Variants in ITGB8 observed in about 807,000 individuals in gnomAD.
ITGB8 encodes integrin subunit beta 8.
Under a neutral mutation model 89.5 loss-of-function variants are expected in ITGB8, and 30 were observed. The ratio of observed to expected loss-of-function variants is 0.34; its 90% CI spans 0.25 to 0.45. The LOEUF (loss-of-function observed/expected upper bound fraction) is 0.45, where lower values mean the gene tolerates loss of function less well. Ranked by LOEUF, ITGB8 falls within the 20% of genes least tolerant of loss-of-function variation. The probability of loss-of-function intolerance (pLI) is 1.00; values close to 1 mark genes in which losing one functional copy is unlikely to be tolerated. For synonymous variants in ITGB8, 335 were observed against 320.4 expected (o/e 1.05, Z -0.49); for missense variants, 836 against 933.3 (o/e 0.90, Z 1.36).
At chr7:20,350,250 C>T (rs934910670) in intron 1 of ITGB8, among the ~76,000 whole-genome samples, 13 of 152,140 alleles carry the variant, frequency 8.5e-5, no homozygotes, top group African/African-American at 2.4e-4. Context: ...CAGGTTGAAG[C>T]GATTCTCCTG....
chr7:20,332,411 T>G (rs1784435661), intron 1 of ITGB8, among the ~76,000 whole-genome samples: 1 of 152,170 alleles, frequency 6.6e-6, no homozygotes, highest in Admixed American at 6.5e-5. Flanking sequence ...GCATACAAGT[T>G]TCTGCTATCA....
At chr7:20,382,289 T>C (rs560042237) in intron 6 of ITGB8, among the ~76,000 whole-genome samples, 51 of 152,250 alleles carry the variant, frequency 3.3e-4, no homozygotes, top group African/African-American at 1.1e-3. Context: ...AGGTAGAAAC[T>C]AAATAGAAAC....
At chr7:20,399,771 G>T (rs1275154407) in intron 9 of ITGB8, among the ~76,000 whole-genome samples, 1 of 152,110 alleles carries the variant, frequency 6.6e-6, no homozygotes, top group Admixed American at 6.5e-5. Context: ...ATGTTTAAAT[G>T]AATGACTTGG....
In ITGB8 at chr7:20,401,848, A is replaced by G. The variant is rs759152706; in HGVS notation, c.1409A>G (p.Gln470Arg). Residue 470 changes from glutamine (Q) to arginine (R), a missense_variant, in exon 10 of 14, where the codon CAG becomes CGG. Around this residue, in one of 5 missense-constraint regions of ITGB8, gnomAD observed 422 missense variants for 416.9 expected, o/e 1.01. Coordinates refer to ENST00000222573, the MANE Select transcript of ITGB8 (RefSeq NM_002214.3). ...KIHIHRNCSC[Q>R]CEDNRGPKGK... ...CATATACACAGAAACTGCAGCTGTC[A>G]GTGTGAGGACAACAGAGGACCTAAA... The G allele has an allele frequency of 1.9e-6, 3 of 1,614,058 alleles. No individual in the cohort carries two copies. The South Asian group carries it at 3.3e-5, about 18-fold the overall frequency.
At chr7:20,383,283 A>G (rs1024284673) in intron 6 of ITGB8, among the ~76,000 whole-genome samples, 28 of 152,214 alleles carry the variant, frequency 1.8e-4, no homozygotes, top group African/African-American at 6.8e-4. Context: ...AAGATTTTAA[A>G]AGGTAACTAG....
At chr7:20,349,884 C>T (rs927270278) in intron 1 of ITGB8, among the ~76,000 whole-genome samples, 2 of 152,132 alleles carry the variant, frequency 1.3e-5, no homozygotes, top group African/African-American at 4.8e-5. Context: ...TAATGTACAT[C>T]AATAAACTGT....
Position 20,379,169 on chromosome 7 carries a change from T to G in ITGB8, c.507T>G (p.Val169=), listed in dbSNP as rs1334439152. Residue 169 remains valine, a synonymous_variant, in exon 4 of 14, where the codon GTT becomes GTG. Transcript: ENST00000222573. ...ATAATATAGAAAAATTAAATTCCGT[T>G]GGAAACGATTTATCTAGAAAAATGG... ...MHNNIEKLNS[V]GNDLSRKMAF... is the part of the protein sequence containing the mutation. The G allele has an allele frequency of 6.2e-7, 1 of 1,612,126 alleles. No individual in the cohort carries two copies. Among genetic ancestry groups the G allele is most frequent in the Admixed American group, 1.7e-5 (1 of 59,772 alleles).
At chr7:20,395,931 G>T (rs1480672612) in intron 8 of ITGB8, among the ~76,000 whole-genome samples, 2 of 152,172 alleles carry the variant, frequency 1.3e-5, no homozygotes, top group Non-Finnish European at 2.9e-5. Flanking sequence ...TGTGTCAAAA[G>T]ATATGCTTTA....
At position 20,411,945 on chromosome 7, in the gene ITGB8, A is replaced by G. The variant is rs1027045805; in HGVS notation, c.*1948A>G. 6.6e-6 allele frequency: 1 copy of G among 152,604 alleles called. No individual in the cohort carries two copies. Among genetic ancestry groups the G allele is most frequent in the Non-Finnish European group, 1.5e-5 (1 of 68,042 alleles). 9.5% of individuals were successfully genotyped at this position (152,604 alleles called of 1,614,324 possible). On this transcript the variant is annotated 3_prime_UTR_variant, in exon 14 of 14. Coordinates refer to ENST00000222573, the MANE Select transcript of ITGB8 (RefSeq NM_002214.3). ...ATCCCTATGGACTTAGTCTGATTTT[A>G]TTGGCTAGGAGTCTAACAGTCCTGT...
intron 6 of ITGB8, among the ~76,000 whole-genome samples, chr7:20,385,332 A>G (rs1253594581): frequency 1.3e-5 from 2 of 152,242 alleles, no homozygotes; most frequent in African/African-American, 4.8e-5. Context: ...TTCCTATTGT[A>G]TGTACTAGTG....
upstream of ITGB8, chr7:20,330,559 T>G (rs1784339838): frequency 6.6e-6 from 1 of 152,152 alleles, no homozygotes; most frequent in Non-Finnish European, 1.5e-5. Flanking sequence ...GGAGTTCTTG[T>G]GAACGATGGG....
At position 20,404,805 on chromosome 7, in the gene ITGB8, G is replaced by C. The variant is rs767838901; in HGVS notation, c.1865G>C (p.Arg622Pro). Residue 622 changes from arginine (R) to proline (P), a missense_variant, in exon 11 of 14, where the codon CGC becomes CCC. Arg to Pro is a moderately radical substitution (Grantham distance 103). Coordinates refer to ENST00000222573, the MANE Select transcript of ITGB8 (RefSeq NM_002214.3). ...TGCACCGATCCCAGGAGCATCGGCC[G>C]CTTCTGTGAACACTGCCCCACCTGT... The part of the protein sequence containing the change: ...CECTDPRSIG[R>P]FCEHCPTCYT... 6.2e-7 allele frequency: 1 copy of C among 1,614,158 alleles called. No homozygotes were observed. Among genetic ancestry groups the C allele is most frequent in the Non-Finnish European group, 8.5e-7 (1 of 1,180,032 alleles).
chr7:20,385,243 C>T (rs558436636), intron 6 of ITGB8, among the ~76,000 whole-genome samples: 1 of 152,302 alleles, frequency 6.6e-6, no homozygotes, highest in African/African-American at 2.4e-5. Context: ...TCCAATGAAC[C>T]TTATCAATGG....
chr7:20,402,422 A>G (rs1787352189), intron 10 of ITGB8, among the ~76,000 whole-genome samples: 1 of 152,230 alleles, frequency 6.6e-6, no homozygotes, highest in African/African-American at 2.4e-5. Context: ...GGAAATGCTG[A>G]TGATATCTGA....
intron 5 of ITGB8, chr7:20,381,234 C>G (rs1225015538): frequency 6.3e-6 from 1 of 158,156 alleles, no homozygotes; most frequent in Non-Finnish European, 1.4e-5. Context: ...GCCATCTCGG[C>G]TCACTGCAAG....
chr7:20,336,069 G>A (rs1284110774), intron 1 of ITGB8, among the ~76,000 whole-genome samples: 24 of 141,990 alleles, frequency 1.7e-4, no homozygotes, highest in Admixed American at 3.0e-4. Flanking sequence ...GCAGTGGTGC[G>A]ATCTCGGCCC....
In ITGB8 at chr7:20,404,784, C is replaced by A; in HGVS notation, c.1844C>A (p.Thr615Asn). ...GTCVCGRCEC[T>N]DPRSIGRFCE... The stretch of plus-strand genomic sequence containing the variant: ...TGTGTGTGTGGAAGGTGTGAGTGCA[C>A]CGATCCCAGGAGCATCGGCCGCTTC... Residue 615 changes from threonine to asparagine, a missense_variant, in exon 11 of 14, where the codon ACC (threonine) becomes AAC (asparagine). Physicochemically the swap from Thr to Asn is moderately conservative, Grantham distance 65. Coordinates refer to ENST00000222573, the MANE Select transcript of ITGB8 (RefSeq NM_002214.3). 2 of 1,614,182 alleles carry A rather than the reference C, an allele frequency of 1.2e-6. No homozygotes were observed. The highest frequency in any genetic ancestry group is 1.7e-6 in the Non-Finnish European group (2 of 1,180,040).
chr7:20,372,587 A>T (rs929891231), intron 3 of ITGB8, among the ~76,000 whole-genome samples: 4 of 152,176 alleles, frequency 2.6e-5, no homozygotes, highest in African/African-American at 9.6e-5. Flanking sequence ...TAGGGGTTGG[A>T]GATAGAAGAG....
chr7:20,333,087 T>G (rs1784464163), intron 1 of ITGB8, among the ~76,000 whole-genome samples: 1 of 152,132 alleles, frequency 6.6e-6, no homozygotes, highest in Non-Finnish European at 1.5e-5. Context: ...GTGTCAAGGT[T>G]TTGCCTGAAG....
Sources: gnomAD v4.1 joint callset for allele counts (sites outside exome capture counted in the v4.1 genomes callset) on GRCh38, gnomAD v4.1.1 for gene constraint, gnomAD v4.1.1 regional missense constraint, MANE v1.5 for transcripts, NCBI Gene and HGNC (gene_info 2026-07-23, HGNC 2026-07-21) for gene names.